Variants in SCN8A observed in about 807,000 individuals in gnomAD.
SCN8A encodes sodium channel protein type 8 subunit alpha.
In SCN8A, 30 loss-of-function variants were observed where a neutral mutation model predicts 184.1. The observed-to-expected ratio is 0.16, with a 90% CI of 0.12 to 0.22. SCN8A has a LOEUF of 0.22. Ranked by LOEUF, SCN8A falls within the 10% of genes least tolerant of loss-of-function variation. The probability of loss-of-function intolerance (pLI) is 1.00; values close to 1 mark genes in which losing one functional copy is unlikely to be tolerated. For missense variants in SCN8A, 1,057 were observed against 2,498.9 expected (o/e 0.42, Z 12.30); for synonymous variants, 852 against 907.0 (o/e 0.94, Z 1.09).
At chr12:51,701,338 C>T (rs1020340552) in intron 8 of SCN8A, 131 bp downstream of exon 8, 33 of 476,086 alleles carry the variant, frequency 6.9e-5, no homozygotes, top group East Asian at 1.3e-4. Flanking sequence ...TCTGACCTAT[C>T]GGTTGGCATA....
chr12:51,711,325 C>T (rs553832199), intron 11 of SCN8A, among the ~76,000 whole-genome samples: 18 of 152,262 alleles, frequency 1.2e-4, no homozygotes, highest in African/African-American at 4.3e-4. Context: ...TTAGTCTAAT[C>T]TCTCCATTCA....
At chr12:51,703,051 T>C in intron 9 of SCN8A, 137 bp downstream of exon 9, 1 of 855,806 alleles carries the variant, frequency 1.2e-6, no homozygotes, top group East Asian at 2.8e-5. Context: ...CAGCTGGTTT[T>C]TGATATTAAG....
At chr12:51,600,846 C>T (rs1939448213) in intron 1 of SCN8A, among the ~76,000 whole-genome samples, 1 of 152,184 alleles carries the variant, frequency 6.6e-6, no homozygotes. Context: ...TTTCTTCTCA[C>T]CACGAAAGTT....
At chr12:51,622,700 C>T (rs1042912178) in intron 1 of SCN8A, among the ~76,000 whole-genome samples, 3 of 152,118 alleles carry the variant, frequency 2.0e-5, no homozygotes, top group African/African-American at 7.2e-5. Flanking sequence ...AGGTTTCTCA[C>T]TATAAAGTTA....
chr12:51,673,796 CA>C (rs1262784190), intron 2 of SCN8A, among the ~76,000 whole-genome samples: 1 of 152,084 alleles, frequency 6.6e-6, no homozygotes, highest in African/African-American at 2.4e-5. Flanking sequence ...ATGTAAACCT[CA>C]ATAACAATAT....
chr12:51,687,781 G>A (rs889340987), intron 5 of SCN8A, among the ~76,000 whole-genome samples: 2 of 152,172 alleles, frequency 1.3e-5, no homozygotes, highest in Non-Finnish European at 2.9e-5. Context: ...GTATGTTACT[G>A]CTCTTGCTCA....
At chr12:51,735,467 C>T (rs914194928) in intron 12 of SCN8A, among the ~76,000 whole-genome samples, 5 of 152,046 alleles carry the variant, frequency 3.3e-5, no homozygotes, top group Admixed American at 6.5e-5. Flanking sequence ...TGGTAAATAC[C>T]GAGATCAGAA....
chr12:51,724,088 T>G (rs1942117976), intron 12 of SCN8A, among the ~76,000 whole-genome samples: 1 of 152,182 alleles, frequency 6.6e-6, no homozygotes, highest in South Asian at 2.1e-4. Context: ...TCAGCAACAG[T>G]AAGAACAATA....
chr12:51,603,731 A>AT (rs972023670), intron 1 of SCN8A, among the ~76,000 whole-genome samples: 1,487 of 146,312 alleles, frequency 0.01, 32 homozygotes, highest in African/African-American at 0.033. Flanking sequence ...TCAGGTTTAA[A>AT]TTTTTTTTTT....
At chr12:51,687,251 G>C (rs771372034) in intron 5 of SCN8A, 32 bp downstream of exon 5, 4 of 1,611,466 alleles carry the variant, frequency 2.5e-6, no homozygotes, top group Non-Finnish European at 3.4e-6. Flanking sequence ...TTGGTGTTCT[G>C]GGTGTGATTC....
At chr12:51,653,802 A>C (rs1325023252) in intron 1 of SCN8A, among the ~76,000 whole-genome samples, 2 of 152,168 alleles carry the variant, frequency 1.3e-5, no homozygotes, top group African/African-American at 2.4e-5. Context: ...CTAGAGTCTG[A>C]ATTTCTCAAC....
intron 1 of SCN8A, among the ~76,000 whole-genome samples, chr12:51,646,063 A>G (rs983164719): frequency 6.6e-6 from 1 of 151,356 alleles, no homozygotes; most frequent in African/African-American, 2.4e-5. Context: ...TAACCCTCAA[A>G]TGAGGAAATG....
intron 11 of SCN8A, among the ~76,000 whole-genome samples, chr12:51,716,710 C>A (rs751512687): frequency 2.0e-5 from 3 of 152,098 alleles, no homozygotes; most frequent in Non-Finnish European, 4.4e-5. Context: ...GTTTTCCTGG[C>A]CATATTTCTC....
chr12:51,687,354 GT>G, intron 5 of SCN8A, 135 bp downstream of exon 5: 1 of 952,776 alleles, frequency 1.0e-6, no homozygotes, highest in Non-Finnish European at 1.6e-6. Flanking sequence ...GTAAGGCCCT[GT>G]GGGCTTATGT....
rs760717246 is a variant in SCN8A, at chr12:51,721,689, G to C, written c.1779G>C (p.Glu593Asp). The C allele has an allele frequency of 4.0e-5, 64 of 1,593,994 alleles. No homozygotes were observed. The highest frequency in any genetic ancestry group is 3.3e-4 in the Middle Eastern group (2 of 6,046). The change falls in exon 12 of 27, where the codon GAG becomes GAC. Residue 593 changes from glutamate (E) to aspartate (D), a missense_variant. Transcript: ENST00000627620. The part of the protein sequence containing the change: ...FADDEHSTVE[E>D]SEGRRDSLFI... ...ATGACGAGCACAGCACGGTGGAGGAGAGCGAGGGCCGCCGGGACTCCCTCT... is the reference window on the plus strand; with the variant it reads ...ATGACGAGCACAGCACGGTGGAGGACAGCGAGGGCCGCCGGGACTCCCTCT...
chr12:51,727,849 C>A (rs1406976136), intron 12 of SCN8A, among the ~76,000 whole-genome samples: 1 of 152,052 alleles, frequency 6.6e-6, no homozygotes, highest in East Asian at 1.9e-4. Flanking sequence ...ACTCGAGAGG[C>A]TGAGGCAGGA....
At position 51,780,642 on chromosome 12, in the gene SCN8A, T is replaced by C. The variant is rs375785915; in HGVS notation, c.3820-7T>C. 56 of 1,448,076 alleles carry C rather than the reference T, an allele frequency of 3.9e-5. No individual in the cohort carries two copies. In the African/African-American group the frequency reaches 6.1e-4, roughly 16 times the overall value. The allele number at this position is 1,448,076 out of a possible 1,614,324, so 89.7% of individuals were successfully genotyped here. On this transcript the variant is annotated splice_region_variant and splice_polypyrimidine_tract_variant and intron_variant, in intron 20 of 26. Transcript: ENST00000627620. ...TGTTTTTGTTTTTCTCTTCTGTTTC[T>C]GTGTAGGTCTCTTTAGTCAGCCTTA...
At chr12:51,797,221 T>C (rs996323439) in intron 26 of SCN8A, among the ~76,000 whole-genome samples, 1 of 152,164 alleles carries the variant, frequency 6.6e-6, no homozygotes. Flanking sequence ...ATAATACAGC[T>C]ATCCTTCATA....
At chr12:51,747,141 G>A (rs552480798) in intron 13 of SCN8A, among the ~76,000 whole-genome samples, 148 of 150,632 alleles carry the variant, frequency 9.8e-4, no homozygotes, top group Admixed American at 1.7e-3. Flanking sequence ...GTTGGGGAGG[G>A]GGTTGCAGTG....
Sources: gnomAD v4.1 joint callset for allele counts (sites outside exome capture counted in the v4.1 genomes callset) on GRCh38, gnomAD v4.1.1 for gene constraint, MANE v1.5 for transcripts, NCBI Gene and HGNC (gene_info 2026-07-23, HGNC 2026-07-21) for gene names.